Variants in IFNGR1 observed in about 807,000 individuals in gnomAD.
IFNGR1 encodes interferon gamma receptor 1, also known as AVP, type 2.
Under a neutral mutation model 35.4 loss-of-function variants are expected in IFNGR1, and 23 were observed. That is an observed-to-expected ratio of 0.65 (90% CI 0.47 to 0.92). The LOEUF (loss-of-function observed/expected upper bound fraction) is 0.92, where lower values mean the gene tolerates loss of function less well. IFNGR1 is among the 40% of genes least tolerant of loss of function. The pLI, the probability that IFNGR1 is intolerant of heterozygous loss-of-function variation, is 0.00. For missense variants in IFNGR1, 533 were observed against 583.4 expected, an observed-to-expected ratio of 0.91 and a Z score of 0.89; for synonymous variants, 199 against 209.5, an observed-to-expected ratio of 0.95 and a Z score of 0.43.
In IFNGR1 at chr6:137,198,141, A is replaced by C. The variant is rs776280026; in HGVS notation, c.1360T>G (p.Ser454Ala). ...ACATGTGGTTTATCATAACCAAAGG[A>C]GGTGGGGGCTTTTATTACGGTTATG... ...ELITVIKAPT[S>A]FGYDKPHVLV... The change falls in exon 7 of 7, where the codon TCC becomes GCC. Residue 454 changes from serine to alanine, a missense_variant. Ser to Ala is a moderately conservative substitution (Grantham distance 99, BLOSUM62 1). Coordinates refer to ENST00000367739, the MANE Select transcript of IFNGR1 (RefSeq NM_000416.3). The C allele has an allele frequency of 3.7e-6, 6 of 1,614,082 alleles. No homozygotes were observed. Among genetic ancestry groups the C allele is most frequent in the Non-Finnish European group, 5.1e-6 (6 of 1,180,006 alleles).
At chr6:137,206,505 G>A (rs1053540971) in intron 2 of IFNGR1, 197 bp from the exon 3 acceptor site, 19 of 552,126 alleles carry the variant, frequency 3.4e-5, no homozygotes, top group Non-Finnish European at 6.0e-5. Context: ...TTACAGTAAA[G>A]AGGCTCAATT....
chr6:137,218,705 TGA>T (rs1779767447), intron 1 of IFNGR1: 1 of 350,668 alleles, frequency 2.9e-6, no homozygotes, highest in African/African-American at 2.2e-5. Flanking sequence ...AGATCCGTTC[TGA>T]GAAATGGAGA....
intron 1 of IFNGR1, among the ~76,000 whole-genome samples, chr6:137,216,999 G>A (rs1373044774): frequency 6.6e-6 from 1 of 152,192 alleles, no homozygotes; most frequent in Non-Finnish European, 1.5e-5. Context: ...TGCAAATTGT[G>A]CACTCACAGG....
intron 2 of IFNGR1, 191 bp downstream of exon 2, chr6:137,206,772 T>C (rs1486662052): frequency 6.8e-6 from 4 of 592,534 alleles, no homozygotes; most frequent in African/African-American, 1.9e-5. Context: ...ATTTCAATAC[T>C]GATAAGGAAG....
At chr6:137,217,986 G>A (rs1164522633) in intron 1 of IFNGR1, among the ~76,000 whole-genome samples, 2 of 152,132 alleles carry the variant, frequency 1.3e-5, no homozygotes, top group African/African-American at 4.8e-5. Flanking sequence ...CAAGCACCCC[G>A]CCTTGCTTTC....
At chr6:137,199,499 A>AAATATAATTTATAATATATATAT (rs1779201080) in intron 6 of IFNGR1, among the ~76,000 whole-genome samples, 1 of 21,936 alleles carries the variant, frequency 4.6e-5, no homozygotes, top group African/African-American at 2.0e-4. Flanking sequence ...ATATTATATA[A>AAATATAATTTATAATATATATAT]AATATATAAT....
rs141919089 is a variant in IFNGR1 at position 137,208,874 on chromosome 6, C to A, written c.86-1797G>T. 1.1e-3 allele frequency among the ~76,000 whole-genome samples: 172 copies of A among 152,302 alleles called. 1 individual carries two copies. The highest frequency in any genetic ancestry group is 3.8e-3 in the African/African-American group (156 of 41,570). The stretch of plus-strand genomic sequence containing the variant: ...TCCTCCAGACTCCAGAATGGTAGAT[C>A]TGCTGACAACTTCTGGAAAAGCTGC... On this transcript the variant is annotated intron_variant, in intron 1 of 6. Transcript: ENST00000367739.
Position 137,197,870 on chromosome 6 carries a change from A to G in IFNGR1, c.*161T>C. The G allele has an allele frequency of 2.2e-6, 2 of 912,254 alleles. No homozygotes were observed. Among genetic ancestry groups the G allele is most frequent in the Non-Finnish European group, 3.3e-6 (2 of 606,056 alleles). The allele number at this position is 912,254 out of a possible 1,614,324, so 56.5% of individuals were successfully genotyped here. On this transcript the variant is annotated 3_prime_UTR_variant, in exon 7 of 7. Coordinates refer to ENST00000367739, the MANE Select transcript of IFNGR1 (RefSeq NM_000416.3). Reference sequence around the variant, plus strand: ...TCTGTACTTTACAAGCCAAAAGTGAAAATGCCACACATCCTCTTTACGCTT... The same window carrying G: ...TCTGTACTTTACAAGCCAAAAGTGAGAATGCCACACATCCTCTTTACGCTT...
chr6:137,216,565 G>A (rs1161554863), intron 1 of IFNGR1, among the ~76,000 whole-genome samples: 1 of 152,120 alleles, frequency 6.6e-6, no homozygotes, highest in Non-Finnish European at 1.5e-5. Flanking sequence ...TTCTTACCAG[G>A]TCCTCTCATC....
chr6:137,218,169 C>T (rs1779752218), intron 1 of IFNGR1, among the ~76,000 whole-genome samples: 1 of 152,168 alleles, frequency 6.6e-6, no homozygotes, highest in African/African-American at 2.4e-5. Flanking sequence ...CTCTCCGTAA[C>T]TCAATTTCTC....
intron 1 of IFNGR1, among the ~76,000 whole-genome samples, chr6:137,208,464 T>C (rs1179338677): frequency 1.3e-5 from 2 of 152,218 alleles, no homozygotes; most frequent in South Asian, 2.1e-4. Flanking sequence ...AAAGTGGTTT[T>C]GTGGCCAGGC....
chr6:137,208,166 A>G (rs1327245110), intron 1 of IFNGR1, among the ~76,000 whole-genome samples: 1 of 152,200 alleles, frequency 6.6e-6, no homozygotes, highest in Non-Finnish European at 1.5e-5. Context: ...ATCTGGTGGA[A>G]GAAATTACTA....
intron 1 of IFNGR1, among the ~76,000 whole-genome samples, chr6:137,215,787 C>T (rs1231399432): frequency 6.6e-6 from 1 of 152,216 alleles, no homozygotes; most frequent in Non-Finnish European, 1.5e-5. Context: ...TCATGGCTCA[C>T]TGCAGCCTAG....
rs1441324664 is a variant in IFNGR1, at chr6:137,198,397, G to T, written c.1104C>A (p.Gly368=). 4.3e-6 allele frequency: 7 copies of T among 1,613,998 alleles called. No homozygotes were observed. In the African/African-American group the frequency reaches 9.3e-5, roughly 22 times the overall value. ...TEENIPDVVP[G]SHLTPIERES... is the part of the protein sequence containing the mutation. ...CTCTCTCTATTGGAGTCAGATGGCT[G>T]CCCGGGACCACGTCAGGAATATTTT... is the stretch of plus-strand genomic sequence containing the variant. Residue 368 remains glycine (G), a synonymous_variant, in exon 7 of 7, where the codon GGC becomes GGA. Coordinates refer to ENST00000367739, the MANE Select transcript of IFNGR1 (RefSeq NM_000416.3).
chr6:137,213,736 G>A (rs1419620072), intron 1 of IFNGR1, among the ~76,000 whole-genome samples: 1 of 152,198 alleles, frequency 6.6e-6, no homozygotes, highest in Admixed American at 6.5e-5. Flanking sequence ...AGGGTGGATG[G>A]CAAACTACAG....
intron 4 of IFNGR1, 47 bp from the exon 5 acceptor site, chr6:137,203,732 T>TTA: frequency 4.3e-6 from 6 of 1,381,160 alleles, no homozygotes; most frequent in East Asian, 2.5e-5. Context: ...TCTTTTAATC[T>TTA]GAAAAAAAAA....
intron 5 of IFNGR1, among the ~76,000 whole-genome samples, chr6:137,202,334 G>A (rs375436203): frequency 1.3e-5 from 2 of 152,038 alleles, no homozygotes; most frequent in African/African-American, 2.4e-5. Context: ...ACAAATCTGC[G>A]GCATTTGCAT....
At chr6:137,218,589 T>TCCCCCCC (rs201457622) in intron 1 of IFNGR1, 9 of 576,002 alleles carry the variant, frequency 1.6e-5, no homozygotes, top group African/African-American at 1.2e-4. Flanking sequence ...GCACTTTGAG[T>TCCCCCCC]CCCCCCCCCC....
chr6:137,205,493 C>T (rs1779407335), intron 3 of IFNGR1, among the ~76,000 whole-genome samples: 1 of 152,180 alleles, frequency 6.6e-6, no homozygotes, highest in Admixed American at 6.5e-5. Flanking sequence ...ACCTGAAAAT[C>T]ACAGTGGCTG....
Sources: allele counts gnomAD v4.1 joint callset (sites outside exome capture counted in the v4.1 genomes callset), GRCh38; gene constraint gnomAD v4.1.1; transcripts MANE v1.5; gene names NCBI Gene and HGNC (gene_info 2026-07-23, HGNC 2026-07-21).